ATP8A1: variants seen among roughly 807,000 people sequenced by gnomAD.
ATP8A1 encodes ATPase phospholipid transporting 8A1, also known as phospholipid-transporting ATPase IA.
Under a neutral mutation model 177.7 loss-of-function variants are expected in ATP8A1, and 90 were observed. The observed-to-expected ratio is 0.51, with a 90% CI of 0.43 to 0.60. ATP8A1 has a LOEUF of 0.60. Among genes scored for constraint, ATP8A1 ranks in the 20% least tolerant of loss-of-function variants. The pLI, the probability that ATP8A1 is intolerant of heterozygous loss-of-function variation, is 0.00. For missense variants in ATP8A1, 1,072 were observed against 1,392.8 expected, an observed-to-expected ratio of 0.77 and a Z score of 3.67; for synonymous variants, 493 against 485.9, an observed-to-expected ratio of 1.01 and a Z score of -0.19.
chr4:42,446,068 G>A (rs1273527437), intron 31 of ATP8A1, among the ~76,000 whole-genome samples: 1 of 57,590 alleles, frequency 1.7e-5, no homozygotes, highest in South Asian at 7.1e-4. Context: ...CGACAAGAGT[G>A]AAACGCCCTC....
At chr4:42,504,256 C>T (rs1724138643) in intron 23 of ATP8A1, among the ~76,000 whole-genome samples, 1 of 152,182 alleles carries the variant, frequency 6.6e-6, no homozygotes, top group Non-Finnish European at 1.5e-5. Flanking sequence ...ACTCCAGACT[C>T]TCATATCCAA....
chr4:42,604,693 G>A (rs893871766), intron 5 of ATP8A1, among the ~76,000 whole-genome samples: 2 of 152,090 alleles, frequency 1.3e-5, no homozygotes, highest in African/African-American at 4.8e-5. Flanking sequence ...CCAAGCAAAC[G>A]GAAAACATAT....
At chr4:42,587,710 C>A (rs1023768740) in intron 8 of ATP8A1, among the ~76,000 whole-genome samples, 2 of 151,610 alleles carry the variant, frequency 1.3e-5, no homozygotes, top group Non-Finnish European at 2.9e-5. Context: ...GGGTTCACGC[C>A]CTTCTCCTGC....
Position 42,524,842 on chromosome 4 carries a change from A to G in ATP8A1, c.1728T>C (p.Thr576=). ...TCTCTGCCAGTCGATCATAAATTAC[A>G]GTGTCCTGGAAAACAAACAGAGGGT... ...KLRLYCKGAD[T]VIYDRLAETS... is the part of the protein sequence containing the mutation. Residue 576 remains threonine (T), a synonymous_variant, in exon 21 of 37, where the codon ACT becomes ACC. Coordinates refer to ENST00000381668, the MANE Select transcript of ATP8A1 (RefSeq NM_006095.2). 5.6e-6 allele frequency: 9 copies of G among 1,604,786 alleles called. No homozygotes were observed. Among genetic ancestry groups the G allele is most frequent in the Non-Finnish European group, 7.7e-6 (9 of 1,175,152 alleles).
intron 5 of ATP8A1, among the ~76,000 whole-genome samples, chr4:42,602,792 A>C (rs1320116196): frequency 8.9e-6 from 1 of 112,690 alleles, no homozygotes; most frequent in Non-Finnish European, 1.8e-5. Flanking sequence ...AATAAAATTA[A>C]AATAAATAAA....
intron 20 of ATP8A1, among the ~76,000 whole-genome samples, chr4:42,539,924 G>C (rs1031183099): frequency 2.0e-5 from 3 of 151,898 alleles, no homozygotes; most frequent in Non-Finnish European, 4.4e-5. Context: ...GAAAACACAG[G>C]CAACAAAAAC....
At chr4:42,481,149 T>C (rs1365877017) in intron 25 of ATP8A1, among the ~76,000 whole-genome samples, 1 of 152,134 alleles carries the variant, frequency 6.6e-6, no homozygotes, top group East Asian at 1.9e-4. Context: ...GGAGGGAATA[T>C]TAAAAGAGGT....
Position 42,503,592 on chromosome 4 carries a change from A to G in ATP8A1, c.2087-78T>C, listed in dbSNP as rs894293814. The G allele has an allele frequency of 1.4e-5, 13 of 920,756 alleles. No homozygotes were observed. The African/African-American group carries it at 1.9e-4, about 13-fold the overall frequency. 57.0% of individuals were successfully genotyped at this position (920,756 alleles called of 1,614,324 possible). ...AGATGTTAAAACAATGATATGTACT[A>G]TGAAAATATCTAAAGATGATTTTAT... On this transcript the variant is annotated intron_variant, in intron 23 of 36. Coordinates refer to ENST00000381668, the MANE Select transcript of ATP8A1 (RefSeq NM_006095.2).
At chr4:42,619,982 G>C (rs12644751) in intron 4 of ATP8A1, among the ~76,000 whole-genome samples, 31,123 of 152,022 alleles carry the variant, frequency 0.2, 3,239 homozygotes, top group Non-Finnish European at 0.21. Flanking sequence ...CCACCATCAC[G>C]TGTCTTTGAG....
In ATP8A1 at chr4:42,422,240, C is replaced by T. The variant is rs567600476; in HGVS notation, c.3305+567G>A. Among the ~76,000 whole-genome samples, 90 of 151,928 alleles carry T rather than the reference C, an allele frequency of 5.9e-4. 1 individual carries two copies. The highest frequency in any genetic ancestry group is 1.0e-3 in the South Asian group (5 of 4,804). ...CTGAGTAGCTGGGATTACAAGTGCCCGTCACCATGCCTGGCTAGTTTTTGT... is the reference window on the plus strand; with the variant it reads ...CTGAGTAGCTGGGATTACAAGTGCCTGTCACCATGCCTGGCTAGTTTTTGT... On this transcript the variant is annotated intron_variant, in intron 35 of 36. Transcript: ENST00000381668.
At chr4:42,508,290 A>G (rs1251491875) in intron 22 of ATP8A1, among the ~76,000 whole-genome samples, 1 of 152,028 alleles carries the variant, frequency 6.6e-6, no homozygotes, top group Admixed American at 6.5e-5. Context: ...GTGCCACCAC[A>G]CTGGGCTAAT....
At chr4:42,511,437 A>C (rs541610252) in intron 22 of ATP8A1, among the ~76,000 whole-genome samples, 1 of 152,346 alleles carries the variant, frequency 6.6e-6, no homozygotes, top group African/African-American at 2.4e-5. Context: ...AATTCAAAAA[A>C]AAACTCCAAA....
chr4:42,618,458 A>C (rs1294316127), intron 4 of ATP8A1, among the ~76,000 whole-genome samples: 1 of 152,194 alleles, frequency 6.6e-6, no homozygotes, highest in South Asian at 2.1e-4. Context: ...AAGGCATCTC[A>C]AACTGTTCAC....
chr4:42,593,907 C>G (rs928805852), intron 6 of ATP8A1, among the ~76,000 whole-genome samples: 10 of 151,784 alleles, frequency 6.6e-5, no homozygotes, highest in African/African-American at 2.4e-4. Flanking sequence ...TCATAATAAT[C>G]AAGAAACTCT....
At chr4:42,602,731 T>C (rs908530827) in intron 5 of ATP8A1, among the ~76,000 whole-genome samples, 1 of 152,070 alleles carries the variant, frequency 6.6e-6, no homozygotes, top group African/African-American at 2.4e-5. Flanking sequence ...ATGACGCCAC[T>C]GCACTCTAGC....
chr4:42,563,048 T>A (rs1424558204), intron 15 of ATP8A1, among the ~76,000 whole-genome samples: 1 of 152,092 alleles, frequency 6.6e-6, no homozygotes, highest in East Asian at 1.9e-4. Flanking sequence ...CACTTTGGAA[T>A]TGGGTAATAG....
intron 30 of ATP8A1, among the ~76,000 whole-genome samples, chr4:42,449,936 C>T (rs949198230): frequency 6.6e-6 from 1 of 152,048 alleles, no homozygotes; most frequent in Non-Finnish European, 1.5e-5. Context: ...TTCTTTTTTT[C>T]TAATTTAGAA....
chr4:42,482,337 A>AC (rs5857847), intron 25 of ATP8A1, among the ~76,000 whole-genome samples: 15,256 of 149,530 alleles, frequency 0.1, 932 homozygotes, highest in Middle Eastern at 0.18. Context: ...AAACAAACAA[A>AC]AAAAAAAAAG....
intron 22 of ATP8A1, among the ~76,000 whole-genome samples, chr4:42,508,481 G>A (rs949755166): frequency 3.9e-5 from 6 of 152,204 alleles, no homozygotes; most frequent in African/African-American, 1.2e-4. Context: ...CTTCCTAAAC[G>A]GAGATGGTAA....
Sources: gnomAD v4.1 joint callset for allele counts (sites outside exome capture counted in the v4.1 genomes callset) on GRCh38, gnomAD v4.1.1 for gene constraint, MANE v1.5 for transcripts, NCBI Gene and HGNC (gene_info 2026-07-23, HGNC 2026-07-21) for gene names.